CSMD3: variants seen among roughly 807,000 people sequenced by gnomAD.
CSMD3 encodes CUB and Sushi multiple domains 3, also known as CUB and sushi domain-containing protein 3.
Under a neutral mutation model 435.2 loss-of-function variants are expected in CSMD3, and 177 were observed. That is an observed-to-expected ratio of 0.41 (90% CI 0.36 to 0.46). The LOEUF (loss-of-function observed/expected upper bound fraction) is 0.46. Ranked by LOEUF, CSMD3 falls within the 20% of genes least tolerant of loss-of-function variation. The probability of loss-of-function intolerance (pLI) is 0.34; values close to 1 mark genes in which losing one functional copy is unlikely to be tolerated. For missense variants in CSMD3, 4,265 were observed against 4,504.6 expected, an observed-to-expected ratio of 0.95 and a Z score of 1.52; for synonymous variants, 1,656 against 1,520.5, an observed-to-expected ratio of 1.09 and a Z score of -2.07.
At chr8:112,445,299 G>A (rs1299387225) in intron 32 of CSMD3, among the ~76,000 whole-genome samples, 1 of 151,996 alleles carries the variant, frequency 6.6e-6, no homozygotes, top group Non-Finnish European at 1.5e-5. Context: ...AGAAATTTTT[G>A]CTCCATTTTT....
chr8:113,406,551 A>G (rs2094533598), intron 1 of CSMD3, among the ~76,000 whole-genome samples: 1 of 151,968 alleles, frequency 6.6e-6, no homozygotes, highest in African/African-American at 2.4e-5. Context: ...TGTGGGTTGT[A>G]GTCTAAATAG....
intron 36 of CSMD3, among the ~76,000 whole-genome samples, chr8:112,388,601 A>T (rs935395128): frequency 6.6e-6 from 1 of 152,186 alleles, no homozygotes; most frequent in Admixed American, 6.5e-5. Flanking sequence ...CTATGAAGTC[A>T]GTTTTAGAGG....
chr8:112,685,681 T>C lies in CSMD3; in HGVS notation c.2207A>G (p.Asp736Gly), dbSNP rs1442887224. The C allele has an allele frequency of 3.1e-6, 5 of 1,613,374 alleles. No individual in the cohort carries two copies. The highest frequency in any genetic ancestry group is 3.4e-6 in the Non-Finnish European group (4 of 1,179,384). ...TAPMGTVLSP[D>G]YPEGYGNNLN... ...ATTATTTCCATACCCTTCTGGGTAA[T>C]CAGGAGAAAGAACTGTTCCCATTGG... is the stretch of plus-strand genomic sequence containing the variant. The change falls in exon 15 of 71, where the codon GAT (aspartate) becomes GGT (glycine). Residue 736 changes from aspartate (D) to glycine (G), a missense_variant. Asp to Gly is a moderately conservative substitution (Grantham distance 94). Coordinates refer to ENST00000297405, the MANE Select transcript of CSMD3 (RefSeq NM_198123.2).
chr8:112,575,548 C>T (rs1829870819), intron 23 of CSMD3, among the ~76,000 whole-genome samples: 1 of 151,958 alleles, frequency 6.6e-6, no homozygotes, highest in African/African-American at 2.4e-5. Flanking sequence ...CACAAATTTC[C>T]TAATATTATA....
At chr8:112,720,937 C>T (rs1251282234) in intron 13 of CSMD3, among the ~76,000 whole-genome samples, 1 of 152,196 alleles carries the variant, frequency 6.6e-6, no homozygotes, top group Non-Finnish European at 1.5e-5. Flanking sequence ...AATGTATCCT[C>T]ATCTCCCAAT....
chr8:112,517,253 G>GCCTTGA (rs1823770981), intron 27 of CSMD3, 28 bp from the exon 28 acceptor site: 2 of 1,573,160 alleles, frequency 1.3e-6, no homozygotes, highest in East Asian at 4.5e-5. Context: ...CAAAATTTTA[G>GCCTTGA]TTTTGATAAC....
At chr8:112,971,013 G>A (rs1231756244) in intron 7 of CSMD3, among the ~76,000 whole-genome samples, 1 of 152,068 alleles carries the variant, frequency 6.6e-6, no homozygotes, top group African/African-American at 2.4e-5. Flanking sequence ...GGGCCACCAC[G>A]CCTGGCCTCA....
chr8:113,085,031 G>A (rs926880658), intron 5 of CSMD3, among the ~76,000 whole-genome samples: 9 of 151,934 alleles, frequency 5.9e-5, no homozygotes, highest in Non-Finnish European at 8.8e-5. Context: ...GAATGCATAC[G>A]AAACACACTT....
intron 1 of CSMD3, among the ~76,000 whole-genome samples, chr8:113,432,896 G>A (rs909623155): frequency 6.6e-6 from 1 of 152,166 alleles, no homozygotes; most frequent in Admixed American, 6.5e-5. Context: ...GACTCCTAAA[G>A]GTTTCTCCGT....
At chr8:112,561,972 G>T (rs961566891) in intron 24 of CSMD3, among the ~76,000 whole-genome samples, 2 of 151,254 alleles carry the variant, frequency 1.3e-5, no homozygotes, top group African/African-American at 4.9e-5. Context: ...CAAACTAATT[G>T]ATTTTGCAGC....
rs1295443119 is a variant in CSMD3 at position 112,505,977 on chromosome 8, A to G, written c.4895+714T>C. 2.0e-5 allele frequency among the ~76,000 whole-genome samples: 3 copies of G among 152,244 alleles called. No individual in the cohort carries two copies. In the East Asian group the frequency reaches 5.8e-4, roughly 29 times the overall value. Reference sequence around the variant, plus strand: ...TTATATGTAAACTAAGCCCTGTATCATCCATTTTGATATTTCTAATGTCCG... The same window carrying G: ...TTATATGTAAACTAAGCCCTGTATCGTCCATTTTGATATTTCTAATGTCCG... On this transcript the variant is annotated intron_variant, in intron 29 of 70. Transcript: ENST00000297405.
chr8:112,716,064 G>T (rs2076719703), intron 13 of CSMD3, among the ~76,000 whole-genome samples: 1 of 152,140 alleles, frequency 6.6e-6, no homozygotes, highest in Non-Finnish European at 1.5e-5. Context: ...AGTATTGGAA[G>T]ATTTGTCCAG....
intron 13 of CSMD3, among the ~76,000 whole-genome samples, chr8:112,712,040 T>C (rs1253586416): frequency 1.3e-5 from 2 of 152,152 alleles, no homozygotes; most frequent in East Asian, 1.9e-4. Context: ...TGATAGGAGA[T>C]GCAAGAGTAA....
At chr8:112,363,859 C>A in intron 38 of CSMD3, among the ~76,000 whole-genome samples, 1 of 152,028 alleles carries the variant, frequency 6.6e-6, no homozygotes. Flanking sequence ...TTAGAAATGA[C>A]AAATACTAAT....
intron 17 of CSMD3, among the ~76,000 whole-genome samples, chr8:112,665,907 GT>G: frequency 1.3e-5 from 2 of 152,088 alleles, no homozygotes; most frequent in African/African-American, 2.4e-5. Flanking sequence ...GACTGCACTA[GT>G]GTTGATTTGA....
At chr8:113,117,091 G>T (rs1173351997) in intron 4 of CSMD3, among the ~76,000 whole-genome samples, 1 of 152,206 alleles carries the variant, frequency 6.6e-6, no homozygotes, top group Admixed American at 6.5e-5. Context: ...CAATTAACAA[G>T]AAGCCAAATG....
chr8:113,010,222 T>C (rs1291566038), intron 6 of CSMD3, among the ~76,000 whole-genome samples: 1 of 151,708 alleles, frequency 6.6e-6, no homozygotes, highest in African/African-American at 2.4e-5. Context: ...CTAGTGAAAC[T>C]ATCTAATATT....
chr8:113,120,027 C>T (rs1265997897), intron 4 of CSMD3, among the ~76,000 whole-genome samples: 1 of 151,800 alleles, frequency 6.6e-6, no homozygotes, highest in Non-Finnish European at 1.5e-5. Context: ...TTTTCCTAAT[C>T]GTTTTTAAAT....
At chr8:112,369,105 T>C (rs1048112052) in intron 38 of CSMD3, among the ~76,000 whole-genome samples, 1 of 152,130 alleles carries the variant, frequency 6.6e-6, no homozygotes, top group Non-Finnish European at 1.5e-5. Context: ...AATGGCTATT[T>C]ACAATGTGGA....
Sources: gnomAD v4.1 joint callset for allele counts (sites outside exome capture counted in the v4.1 genomes callset) on GRCh38, gnomAD v4.1.1 for gene constraint, MANE v1.5 for transcripts, NCBI Gene and HGNC (gene_info 2026-07-23, HGNC 2026-07-21) for gene names.